Variants in TENM3 observed in about 807,000 individuals in gnomAD.
TENM3 encodes the protein teneurin transmembrane protein 3.
A neutral mutation model predicts 255.1 loss-of-function variants in TENM3; 63 were observed. That is an observed-to-expected ratio of 0.25 (90% CI 0.20 to 0.30). The LOEUF (loss-of-function observed/expected upper bound fraction) is 0.30, where lower values mean the gene tolerates loss of function less well. TENM3 is among the 10% of genes least tolerant of loss of function. The pLI is 1.00. For missense variants in TENM3, 2,929 were observed against 3,461.1 expected (o/e 0.85, Z 3.86); for synonymous variants, 1,306 against 1,322.3 (o/e 0.99, Z 0.27).
chr4:181,642,759 G>C, the TENM3 span, among the ~76,000 whole-genome samples: 1 of 152,104 alleles, frequency 6.6e-6, no homozygotes, highest in African/African-American at 2.4e-5. Context: ...TATTAAATAG[G>C]GGATCCTTTC....
the TENM3 span, among the ~76,000 whole-genome samples, chr4:181,873,877 C>T: frequency 6.6e-6 from 1 of 151,978 alleles, no homozygotes; most frequent in Non-Finnish European, 1.5e-5. Context: ...CTCTCCATCC[C>T]AGGTTCAAGC....
chr4:182,166,650 G>C (rs979966686), intron 1 of TENM3, among the ~76,000 whole-genome samples: 11 of 151,722 alleles, frequency 7.3e-5, no homozygotes, highest in Non-Finnish European at 1.3e-4. Flanking sequence ...TTTTTCTTTT[G>C]TGACAGAGTC....
chr4:182,667,576 A>T (rs1174203476), intron 6 of TENM3, among the ~76,000 whole-genome samples: 1 of 152,192 alleles, frequency 6.6e-6, no homozygotes, highest in African/African-American at 2.4e-5. Context: ...CTCAGTTCTG[A>T]ATCCCTGCTC....
chr4:182,712,659 G>T (rs1327720299), intron 12 of TENM3, among the ~76,000 whole-genome samples: 6 of 152,044 alleles, frequency 3.9e-5, no homozygotes, highest in Non-Finnish European at 5.9e-5. Flanking sequence ...GTCTCTTGGC[G>T]ATATTTTCTT....
At chr4:182,601,194 A>C in intron 4 of TENM3, 33 bp downstream of exon 4, 1 of 1,554,278 alleles carries the variant, frequency 6.4e-7, no homozygotes, top group Non-Finnish European at 8.9e-7. Context: ...AAGCTAGCCC[A>C]ACCCTTTTCT....
chr4:182,429,259 G>A (rs1771453791), intron 3 of TENM3, among the ~76,000 whole-genome samples: 1 of 152,120 alleles, frequency 6.6e-6, no homozygotes, highest in Admixed American at 6.5e-5. Flanking sequence ...AATATCATAG[G>A]ACTGTTAAAC....
chr4:182,303,548 C>T (rs1435586277), intron 1 of TENM3, among the ~76,000 whole-genome samples: 1 of 152,212 alleles, frequency 6.6e-6, no homozygotes, highest in Non-Finnish European at 1.5e-5. Flanking sequence ...AGTCAACGCG[C>T]TGTCATTGTC....
chr4:181,605,514 GAAA>G, the TENM3 span, among the ~76,000 whole-genome samples: 1 of 17,528 alleles, frequency 5.7e-5, no homozygotes, highest in African/African-American at 1.4e-4. Context: ...AAGAAAGAAA[GAAA>G]GAAAGAAAGA....
At chr4:182,144,422 G>C (rs982544560), upstream of TENM3, 14 of 152,266 alleles carry the variant, frequency 9.2e-5, no homozygotes, top group African/African-American at 3.1e-4. Context: ...GCCCGGCCTG[G>C]TCCGCCGCCT....
At chr4:181,671,609 C>G in the TENM3 span, among the ~76,000 whole-genome samples, 2 of 152,148 alleles carry the variant, frequency 1.3e-5, no homozygotes, top group Admixed American at 1.3e-4. Flanking sequence ...ACTTGGTGCT[C>G]GACGTACATT....
the TENM3 span, among the ~76,000 whole-genome samples, chr4:181,674,233 A>G: frequency 6.6e-6 from 1 of 152,142 alleles, no homozygotes; most frequent in Admixed American, 6.5e-5. Flanking sequence ...GCTGAGCTCA[A>G]GTAATCAGCC....
At chr4:181,990,452 C>A in the TENM3 span, among the ~76,000 whole-genome samples, 1 of 151,990 alleles carries the variant, frequency 6.6e-6, no homozygotes, top group Non-Finnish European at 1.5e-5. Context: ...TCAATCAGAC[C>A]TAATAGATAA....
chr4:182,677,185 G>A (rs1006935394), intron 7 of TENM3, among the ~76,000 whole-genome samples: 1 of 151,994 alleles, frequency 6.6e-6, no homozygotes, highest in African/African-American at 2.4e-5. Flanking sequence ...TATTTGAATC[G>A]CCCTCCTGAA....
chr4:181,728,119 A>G, the TENM3 span, among the ~76,000 whole-genome samples: 1 of 152,192 alleles, frequency 6.6e-6, no homozygotes, highest in Non-Finnish European at 1.5e-5. Context: ...TTATCAAAAA[A>G]CAGTTGAAAA....
chr4:182,242,021 TC>T (rs11320114), upstream of TENM3, among the ~76,000 whole-genome samples: 7,824 of 126,880 alleles, frequency 0.062, 1,680 homozygotes, highest in African/African-American at 0.23. Context: ...TTTTCCTCTC[TC>T]TTTTTTTTTT....
chr4:182,099,974 C>T, the TENM3 span, among the ~76,000 whole-genome samples: 30 of 152,168 alleles, frequency 2.0e-4, no homozygotes, highest in African/African-American at 5.5e-4. Context: ...ACTCCTGTCC[C>T]GCAAGACTTG....
At chr4:182,357,160 C>T (rs371926656) in intron 3 of TENM3, among the ~76,000 whole-genome samples, 4 of 151,980 alleles carry the variant, frequency 2.6e-5, no homozygotes, top group African/African-American at 9.7e-5. Flanking sequence ...CTATTGTGAA[C>T]AGTGCCTCAA....
chr4:181,627,467 T>C, the TENM3 span, among the ~76,000 whole-genome samples: 2 of 152,202 alleles, frequency 1.3e-5, no homozygotes, highest in Admixed American at 1.3e-4. Context: ...GTATATCTCC[T>C]AATGTTTTAC....
chr4:181,764,183 T>C, the TENM3 span, among the ~76,000 whole-genome samples: 2 of 152,164 alleles, frequency 1.3e-5, no homozygotes, highest in African/African-American at 2.4e-5. Flanking sequence ...AGAAAAAACT[T>C]CATATTATAT....
Sources: allele counts gnomAD v4.1 joint callset (sites outside exome capture counted in the v4.1 genomes callset), GRCh38; gene constraint gnomAD v4.1.1; transcripts MANE v1.5; gene names NCBI Gene and HGNC (gene_info 2026-07-23, HGNC 2026-07-21).